Variants in DHRSX observed in about 807,000 individuals in gnomAD.
The protein encoded by DHRSX is polyprenol dehydrogenase.
A neutral mutation model predicts 34.0 loss-of-function variants in DHRSX; 31 were observed. The ratio of observed to expected loss-of-function variants is 0.91; its 90% CI spans 0.69 to 1.23. DHRSX has a LOEUF of 1.23. Ranked by LOEUF, DHRSX falls within the 50% of genes most tolerant of loss-of-function variation. The pLI is 0.00. For missense variants in DHRSX, 414 were observed against 428.1 expected (o/e 0.97, Z 0.29); for synonymous variants, 201 against 183.8 (o/e 1.09, Z -0.76).
intron 3 of DHRSX, among the ~76,000 whole-genome samples, chrX:2,345,011 C>T (rs1022005737): frequency 6.6e-6 from 1 of 150,464 alleles, no homozygotes; most frequent in South Asian, 2.1e-4. Context: ...ACAGAGGCCA[C>T]AAGACCCCTG....
chrX:2,397,494 G>A (rs1475673503), intron 3 of DHRSX, among the ~76,000 whole-genome samples: 2 of 151,906 alleles, frequency 1.3e-5, no homozygotes, highest in Non-Finnish European at 2.9e-5. Context: ...ATTTTCACAC[G>A]TGCCGCCTGT....
intron 1 of DHRSX, among the ~76,000 whole-genome samples, chrX:2,458,593 T>G (rs181900088): frequency 6.6e-6 from 1 of 152,070 alleles, no homozygotes; most frequent in Admixed American, 6.6e-5. Flanking sequence ...GAGACAAATA[T>G]CGTATCATCT....
chrX:2,242,404 C>A (rs73628245), intron 6 of DHRSX, among the ~76,000 whole-genome samples: 4,161 of 152,136 alleles, frequency 0.027, 209 homozygotes, highest in African/African-American at 0.095. Flanking sequence ...CCCAACACCG[C>A]ACACGCAGCC....
At chrX:2,425,878 T>C (rs2043839853) in intron 1 of DHRSX, among the ~76,000 whole-genome samples, 1 of 152,032 alleles carries the variant, frequency 6.6e-6, no homozygotes, top group South Asian at 2.1e-4. Flanking sequence ...CTCACTGTGG[T>C]TTCCAAGGGA....
At chrX:2,264,296 A>G (rs185158161) in intron 5 of DHRSX, among the ~76,000 whole-genome samples, 73 of 110,170 alleles carry the variant, frequency 6.6e-4, no homozygotes, top group African/African-American at 7.3e-4. Flanking sequence ...GAGCACCTCT[A>G]CCCAGCAGAC....
At chrX:2,264,597 C>G (rs1422329570) in intron 5 of DHRSX, among the ~76,000 whole-genome samples, 1 of 150,954 alleles carries the variant, frequency 6.6e-6, no homozygotes, top group African/African-American at 2.4e-5. Context: ...GCAGGGAGCA[C>G]TGTTCCCAGA....
At chrX:2,264,097 C>T (rs1213350963) in intron 5 of DHRSX, among the ~76,000 whole-genome samples, 3 of 152,230 alleles carry the variant, frequency 2.0e-5, no homozygotes, top group African/African-American at 4.8e-5. Context: ...ACAATACCAT[C>T]GCACATTGCT....
At chrX:2,249,899 C>G (rs777153252) in intron 5 of DHRSX, among the ~76,000 whole-genome samples, 83 of 151,962 alleles carry the variant, frequency 5.5e-4, no homozygotes, top group African/African-American at 2.0e-3. Context: ...CATGGTGGCT[C>G]ACGTCTGTAA....
intron 5 of DHRSX, among the ~76,000 whole-genome samples, chrX:2,243,789 T>C (rs1602784518): frequency 8.9e-5 from 1 of 11,298 alleles, no homozygotes; most frequent in Non-Finnish European, 1.9e-4. Flanking sequence ...ATGCTCCCTG[T>C]TTTTTTTTTT....
At chrX:2,333,359 T>G (rs2124551787) in intron 3 of DHRSX, among the ~76,000 whole-genome samples, 1 of 152,260 alleles carries the variant, frequency 6.6e-6, no homozygotes, top group South Asian at 2.1e-4. Flanking sequence ...CACAGGCAAA[T>G]TACGTGACAT....
intron 1 of DHRSX, among the ~76,000 whole-genome samples, chrX:2,453,197 G>A (rs1928482037): frequency 6.6e-6 from 1 of 152,132 alleles, no homozygotes; most frequent in South Asian, 2.1e-4. Flanking sequence ...TACAATGGTT[G>A]TTGCCAGCAA....
intron 3 of DHRSX, among the ~76,000 whole-genome samples, chrX:2,349,136 G>T (rs1274156678): frequency 1.3e-5 from 2 of 152,088 alleles, no homozygotes; most frequent in Admixed American, 6.6e-5. Flanking sequence ...CGATGATCCA[G>T]CAAGCATGCT....
At chrX:2,418,613 G>T (rs1195796510) in intron 2 of DHRSX, among the ~76,000 whole-genome samples, 1 of 152,160 alleles carries the variant, frequency 6.6e-6, no homozygotes, top group African/African-American at 2.4e-5. Flanking sequence ...AATATAACCA[G>T]TAATGGATGT....
At chrX:2,371,668 T>TCCCTCCTCCTCCCATTACCACAGC (rs2043072947) in intron 3 of DHRSX, among the ~76,000 whole-genome samples, 1 of 143,406 alleles carries the variant, frequency 7.0e-6, no homozygotes, top group African/African-American at 2.6e-5. Flanking sequence ...CTTACCATAG[T>TCCCTCCTCCTCCCATTACCACAGC]CCCTCCTCCT....
chrX:2,497,654 A>G (rs953501259), intron 1 of DHRSX, among the ~76,000 whole-genome samples: 6 of 152,218 alleles, frequency 3.9e-5, no homozygotes, highest in African/African-American at 1.4e-4. Flanking sequence ...TCTGTGGCCT[A>G]TTATTTACAA....
intron 3 of DHRSX, among the ~76,000 whole-genome samples, chrX:2,317,417 AT>A (rs376192581): frequency 1.3e-5 from 2 of 150,004 alleles, no homozygotes; most frequent in Non-Finnish European, 3.0e-5. Context: ...ACGCCCTGCT[AT>A]TTTTTTTATT....
chrX:2,391,455 G>T (rs543304460), intron 3 of DHRSX, among the ~76,000 whole-genome samples: 26 of 152,298 alleles, frequency 1.7e-4, no homozygotes, highest in Middle Eastern at 3.4e-3. Context: ...GCAGCCAAGA[G>T]CCCTTTCCCA....
At chrX:2,392,532 A>G in intron 3 of DHRSX, 1 of 219,606 alleles carries the variant, frequency 4.6e-6, no homozygotes, top group East Asian at 1.5e-4. Flanking sequence ...TTAATTTTAT[A>G]TTTTGTATAC....
chrX:2,297,661 G>A (rs149425772), intron 3 of DHRSX, among the ~76,000 whole-genome samples: 4,848 of 151,952 alleles, frequency 0.032, 262 homozygotes, highest in African/African-American at 0.11. Flanking sequence ...GTCTCTCTAT[G>A]TTGCCAAGGT....
Sources: gnomAD v4.1 joint callset for allele counts (sites outside exome capture counted in the v4.1 genomes callset) on GRCh38, gnomAD v4.1.1 for gene constraint, MANE v1.5 for transcripts, NCBI Gene and HGNC (gene_info 2026-07-23, HGNC 2026-07-21) for gene names.